The following PPP2R2C variants were observed in gnomAD, a reference collection of about 807,000 sequenced individuals.
The protein encoded by PPP2R2C is protein phosphatase 2, regulatory subunit B, gamma.
In PPP2R2C, 10 loss-of-function variants were observed where a neutral mutation model predicts 45.3. The ratio of observed to expected loss-of-function variants is 0.22; its 90% CI spans 0.14 to 0.37. PPP2R2C has a LOEUF of 0.37. Ranked by LOEUF, PPP2R2C falls within the 10% of genes least tolerant of loss-of-function variation. The probability of loss-of-function intolerance (pLI) is 1.00; values close to 1 mark genes in which losing one functional copy is unlikely to be tolerated. For missense variants in PPP2R2C, 308 were observed against 619.7 expected (o/e 0.50, Z 5.34); for synonymous variants, 257 against 245.4 (o/e 1.05, Z -0.44).
chr4:6,398,479 TGG>T (rs1297956962), intron 1 of PPP2R2C, among the ~76,000 whole-genome samples: 1 of 151,982 alleles, frequency 6.6e-6, no homozygotes, highest in Non-Finnish European at 1.5e-5. Context: ...AATACAAGAA[TGG>T]TCAGGAAGCA....
intron 2 of PPP2R2C, among the ~76,000 whole-genome samples, chr4:6,518,922 T>TTAAAAAAAAAAAAAAAAAAAAAAAA (rs1354788203): frequency 1.1e-5 from 1 of 92,902 alleles, no homozygotes; most frequent in African/African-American, 6.2e-5. Context: ...GACTCTGTCT[T>TTAAAAAAAAAAAAAAAAAAAAAAAA]AAAAAAAAAA....
chr4:6,440,373 C>T (rs1429298462), intron 1 of PPP2R2C, among the ~76,000 whole-genome samples: 1 of 152,152 alleles, frequency 6.6e-6, no homozygotes, highest in Admixed American at 6.5e-5. Context: ...GGTCAGACTC[C>T]CAATCCCATG....
intron 1 of PPP2R2C, among the ~76,000 whole-genome samples, chr4:6,542,077 C>T (rs925795186): frequency 1.3e-5 from 2 of 152,228 alleles, no homozygotes; most frequent in Admixed American, 6.5e-5. Context: ...GACCACAGTA[C>T]CCTCCAAAAG....
At chr4:6,337,642 C>T (rs545954196) in intron 6 of PPP2R2C, among the ~76,000 whole-genome samples, 99 of 152,278 alleles carry the variant, frequency 6.5e-4, no homozygotes, top group African/African-American at 2.2e-3. Flanking sequence ...TGGATTCAGC[C>T]AGAATCACAG....
chr4:6,372,276 T>C (rs1283237087), intron 5 of PPP2R2C, among the ~76,000 whole-genome samples: 2 of 152,204 alleles, frequency 1.3e-5, no homozygotes, highest in Non-Finnish European at 2.9e-5. Context: ...GAGGGGATCA[T>C]GGCCATGCTG....
chr4:6,430,577 C>A (rs1719559276), intron 1 of PPP2R2C, among the ~76,000 whole-genome samples: 1 of 152,190 alleles, frequency 6.6e-6, no homozygotes, highest in Non-Finnish European at 1.5e-5. Flanking sequence ...TTGAAATGTT[C>A]ATTTAGCAGA....
intron 2 of PPP2R2C, among the ~76,000 whole-genome samples, chr4:6,511,670 T>C (rs1308846284): frequency 2.8e-5 from 1 of 35,980 alleles, no homozygotes; most frequent in African/African-American, 1.0e-4. Flanking sequence ...GTGGTGATGG[T>C]GGTGATGGTG....
intron 1 of PPP2R2C, among the ~76,000 whole-genome samples, chr4:6,536,591 C>A (rs890233758): frequency 6.6e-6 from 1 of 152,222 alleles, no homozygotes; most frequent in Non-Finnish European, 1.5e-5. Flanking sequence ...GGCCCATACC[C>A]CGCAGGAGTG....
chr4:6,429,780 G>A, intron 1 of PPP2R2C, among the ~76,000 whole-genome samples: 1 of 152,162 alleles, frequency 6.6e-6, no homozygotes. Context: ...TTTGCTGGCA[G>A]GGGAGAAACA....
At chr4:6,351,119 A>T (rs990291508) in intron 5 of PPP2R2C, 3 of 707,648 alleles carry the variant, frequency 4.2e-6, no homozygotes, top group Non-Finnish European at 5.2e-6. Context: ...AGCCTGACCA[A>T]CATACCAAAA....
chr4:6,506,366 G>A (rs888695095), intron 2 of PPP2R2C, among the ~76,000 whole-genome samples: 5 of 152,170 alleles, frequency 3.3e-5, no homozygotes, highest in Admixed American at 6.5e-5. Context: ...GTAAGTTTAC[G>A]TGGGTCTCTG....
At chr4:6,487,911 TC>T in intron 2 of PPP2R2C, among the ~76,000 whole-genome samples, 1 of 152,346 alleles carries the variant, frequency 6.6e-6, no homozygotes, top group Non-Finnish European at 1.5e-5. Context: ...AAATTTTTGT[TC>T]TTTTTTTATC....
chr4:6,412,754 T>C (rs1053209117), intron 1 of PPP2R2C, among the ~76,000 whole-genome samples: 1 of 152,100 alleles, frequency 6.6e-6, no homozygotes, highest in African/African-American at 2.4e-5. Flanking sequence ...CCCAAGATAA[T>C]GGTGTTAGGA....
intron 2 of PPP2R2C, among the ~76,000 whole-genome samples, chr4:6,501,423 G>A (rs569031361): frequency 1.3e-4 from 20 of 152,266 alleles, no homozygotes; most frequent in African/African-American, 4.1e-4. Context: ...AAATGCTGAC[G>A]GAGACCCTCC....
At chr4:6,391,112 G>A (rs1716601054) in intron 1 of PPP2R2C, among the ~76,000 whole-genome samples, 1 of 152,118 alleles carries the variant, frequency 6.6e-6, no homozygotes, top group African/African-American at 2.4e-5. Context: ...TCTGTATGGG[G>A]TGGGTGCCAG....
intron 1 of PPP2R2C, among the ~76,000 whole-genome samples, chr4:6,421,882 T>C (rs1273396410): frequency 6.6e-6 from 1 of 152,108 alleles, no homozygotes; most frequent in African/African-American, 2.4e-5. Context: ...AATAATAGGG[T>C]TGTCATCTTA....
intron 1 of PPP2R2C, among the ~76,000 whole-genome samples, chr4:6,422,334 A>G (rs1227202648): frequency 6.6e-6 from 1 of 152,216 alleles, no homozygotes; most frequent in African/African-American, 2.4e-5. Flanking sequence ...TTCAACTATC[A>G]GTGCCAACGC....
At chr4:6,442,712 C>T (rs1720215296) in intron 1 of PPP2R2C, among the ~76,000 whole-genome samples, 1 of 152,190 alleles carries the variant, frequency 6.6e-6, no homozygotes, top group Non-Finnish European at 1.5e-5. Context: ...GTTTCAGTCT[C>T]CCCATTTCAT....
chr4:6,334,146 T>C (rs921596987), intron 6 of PPP2R2C, among the ~76,000 whole-genome samples: 4 of 152,198 alleles, frequency 2.6e-5, no homozygotes, highest in Non-Finnish European at 1.5e-5. Flanking sequence ...GACTGGGCAC[T>C]GCTTGTGGCT....
Sources: allele counts gnomAD v4.1 joint callset (sites outside exome capture counted in the v4.1 genomes callset), GRCh38; gene constraint gnomAD v4.1.1; transcripts MANE v1.5; gene names NCBI Gene and HGNC (gene_info 2026-07-23, HGNC 2026-07-21).